AMMECR1: variants seen among roughly 807,000 people sequenced by gnomAD.
AMMECR1 encodes the protein nuclear protein AMMECR1.
AMMECR1 carries 3 observed loss-of-function variants against 22.5 expected under a neutral mutation model. The ratio of observed to expected loss-of-function variants is 0.13; its 90% CI spans 0.06 to 0.35. The LOEUF is 0.35. Among genes scored for constraint, AMMECR1 ranks in the 10% least tolerant of loss-of-function variants. The pLI, the probability that AMMECR1 is intolerant of heterozygous loss-of-function variation, is 1.00. For missense variants in AMMECR1, 235 were observed against 278.7 expected, an observed-to-expected ratio of 0.84 and a Z score of 1.12; for synonymous variants, 130 against 116.7, an observed-to-expected ratio of 1.11 and a Z score of -0.74.
chrX:110,246,257 G>A (rs1032527139), intron 2 of AMMECR1, among the ~76,000 whole-genome samples: 1 of 110,864 alleles, frequency 9.0e-6, no homozygotes, highest in African/African-American at 3.4e-5. Context: ...TTTATTAAAT[G>A]AAAACTGATC....
At chrX:110,326,744 C>T (rs752043551) in intron 2 of AMMECR1, among the ~76,000 whole-genome samples, 8 of 111,735 alleles carry the variant, frequency 7.2e-5, no homozygotes, top group Non-Finnish European at 9.4e-5. Context: ...AGACACTGGA[C>T]GGTTTAGTGA....
chrX:110,338,468 A>G, intron 2 of AMMECR1, among the ~76,000 whole-genome samples: 1 of 112,236 alleles, frequency 8.9e-6, no homozygotes, highest in Middle Eastern at 4.6e-3. Context: ...TGCTTTAATT[A>G]ACACAAAGGT....
chrX:110,253,300 A>G (rs191917838), intron 2 of AMMECR1, among the ~76,000 whole-genome samples: 2 of 113,057 alleles, frequency 1.8e-5, no homozygotes, highest in African/African-American at 3.2e-5. Context: ...CTTATCTCAG[A>G]TATAAGGATT....
chrX:110,254,811 A>G (rs2067702701), intron 2 of AMMECR1, among the ~76,000 whole-genome samples: 1 of 112,097 alleles, frequency 8.9e-6, no homozygotes, highest in Non-Finnish European at 1.9e-5. Context: ...AAGGTGCAAA[A>G]AAGGACTGCA....
intron 2 of AMMECR1, among the ~76,000 whole-genome samples, chrX:110,328,864 C>T (rs1466879026): frequency 8.9e-6 from 1 of 112,094 alleles, no homozygotes; most frequent in African/African-American, 3.2e-5. Flanking sequence ...TCCAGTCTAT[C>T]CAACGATAGG....
chrX:110,258,539 T>G (rs2067722052), intron 2 of AMMECR1, among the ~76,000 whole-genome samples: 1 of 112,067 alleles, frequency 8.9e-6, no homozygotes. Flanking sequence ...ACTATCAAAT[T>G]AGGTATAAGT....
chrX:110,367,948 A>G (rs1275481924), intron 2 of AMMECR1, among the ~76,000 whole-genome samples: 16 of 106,778 alleles, frequency 1.5e-4, no homozygotes, highest in African/African-American at 5.4e-4. Flanking sequence ...AGTTGGAACT[A>G]CAGGTACTCA....
At chrX:110,304,837 T>C (rs748450029) in intron 1 of AMMECR1, among the ~76,000 whole-genome samples, 12 of 112,206 alleles carry the variant, frequency 1.1e-4, no homozygotes, top group Non-Finnish European at 2.1e-4. Context: ...CTACTTTTGA[T>C]TGGTACCCAC....
chrX:110,248,238 T>A (rs956127083), intron 2 of AMMECR1, among the ~76,000 whole-genome samples: 9 of 110,324 alleles, frequency 8.2e-5, no homozygotes, highest in African/African-American at 2.6e-4. Context: ...TATAAAAATT[T>A]TGCTGGGTAT....
chrX:110,235,896 G>A (rs991637129), intron 2 of AMMECR1, among the ~76,000 whole-genome samples: 1 of 110,939 alleles, frequency 9.0e-6, no homozygotes, highest in African/African-American at 3.3e-5. Context: ...AACCAACATG[G>A]CACATATATA....
At chrX:110,434,840 C>T (rs2068824774) in intron 1 of AMMECR1, among the ~76,000 whole-genome samples, 1 of 110,375 alleles carries the variant, frequency 9.1e-6, no homozygotes, top group Non-Finnish European at 1.9e-5. Context: ...TCCCATTTTA[C>T]TCATCCAGGG....
chrX:110,280,798 G>A (rs913488998), intron 1 of AMMECR1, among the ~76,000 whole-genome samples: 6 of 111,465 alleles, frequency 5.4e-5, no homozygotes, highest in African/African-American at 2.0e-4. Context: ...TTTCCTATAT[G>A]GTTAATACTC....
At chrX:110,378,516 C>G (rs2068395107) in intron 2 of AMMECR1, among the ~76,000 whole-genome samples, 1 of 112,123 alleles carries the variant, frequency 8.9e-6, no homozygotes, top group Admixed American at 9.4e-5. Flanking sequence ...CTCATCCTGG[C>G]ATTCGAAGCT....
chrX:110,217,254 A>G (rs1283891515), intron 2 of AMMECR1, among the ~76,000 whole-genome samples: 1 of 109,537 alleles, frequency 9.1e-6, no homozygotes, highest in Non-Finnish European at 1.9e-5. Context: ...AATACTCATA[A>G]GAATTTCAGG....
At chrX:110,257,706 T>C (rs902123503) in intron 2 of AMMECR1, among the ~76,000 whole-genome samples, 1 of 111,827 alleles carries the variant, frequency 8.9e-6, no homozygotes, top group Non-Finnish European at 1.9e-5. Flanking sequence ...TACCTTTAAA[T>C]ACATTTTAGC....
intron 2 of AMMECR1, among the ~76,000 whole-genome samples, chrX:110,261,642 C>T (rs1202980219): frequency 8.9e-6 from 1 of 111,747 alleles, no homozygotes; most frequent in Non-Finnish European, 1.9e-5. Flanking sequence ...CTGCTCTATA[C>T]AACTCTGAGT....
intron 1 of AMMECR1, among the ~76,000 whole-genome samples, chrX:110,316,770 AATC>A (rs569673078): frequency 9.0e-6 from 1 of 111,487 alleles, no homozygotes; most frequent in South Asian, 3.8e-4. Flanking sequence ...ACTGTTCTCA[AATC>A]ATCAAGTATA....
At chrX:110,405,264 A>G (rs2068593563) in intron 2 of AMMECR1, among the ~76,000 whole-genome samples, 1 of 111,613 alleles carries the variant, frequency 9.0e-6, no homozygotes, top group Non-Finnish European at 1.9e-5. Flanking sequence ...TAGAATGCCA[A>G]ATTGCAAAGG....
At chrX:110,201,802 C>A (rs2067398244) in intron 4 of AMMECR1, among the ~76,000 whole-genome samples, 1 of 111,771 alleles carries the variant, frequency 8.9e-6, no homozygotes, top group African/African-American at 3.3e-5. Flanking sequence ...ATAAAAGATT[C>A]ATTTCGACCA....
Sources: allele counts gnomAD v4.1 joint callset (sites outside exome capture counted in the v4.1 genomes callset), GRCh38; gene constraint gnomAD v4.1.1; transcripts MANE v1.5; gene names NCBI Gene and HGNC (gene_info 2026-07-23, HGNC 2026-07-21).